Variants in KAZN observed in about 807,000 individuals in gnomAD.
KAZN encodes kazrin.
In KAZN, 40 loss-of-function variants were observed where a neutral mutation model predicts 87.4. The ratio of observed to expected loss-of-function variants is 0.46; its 90% confidence interval spans 0.36 to 0.60. The LOEUF is 0.60. Among genes scored for constraint, KAZN ranks in the 20% least tolerant of loss-of-function variants. KAZN has a pLI of 0.00. For synonymous variants in KAZN, 466 were observed against 458.3 expected, an observed-to-expected ratio of 1.02 and a Z score of -0.22; for missense variants, 898 against 1,073.9, an observed-to-expected ratio of 0.84 and a Z score of 2.29.
rs77739629 is a variant in KAZN, at chr1:14,845,947, G to T, written c.227-114737G>T. Among the ~76,000 whole-genome samples, 238 of 152,242 alleles carry T rather than the reference G, an allele frequency of 1.6e-3. 1 individual carries two copies. The highest frequency in any genetic ancestry group is 2.9e-3 in the Non-Finnish European group (196 of 68,016). On this transcript the variant is annotated intron_variant, in intron 1 of 14. Coordinates refer to ENST00000376030, the MANE Select transcript of KAZN (RefSeq NM_201628.3). ...AAGAAGGTTTGACAAAGCTGTCCAG[G>T]AGTCCTCAAGCCAAGTTAGTCAACA...
intron 1 of KAZN, among the ~76,000 whole-genome samples, chr1:14,806,221 G>A (rs534192522): frequency 3.3e-5 from 5 of 151,874 alleles, no homozygotes; most frequent in Non-Finnish European, 7.4e-5. Context: ...AGACACCTCT[G>A]TTCCCTTTGT....
rs561951019 is a variant in KAZN at position 14,984,258 on chromosome 1, G to C, written c.418+23383G>C. 4.6e-5 allele frequency among the ~76,000 whole-genome samples: 7 copies of C among 151,666 alleles called. No individual in the cohort carries two copies. The South Asian group carries it at 1.5e-3, about 32-fold the overall frequency. ...TGTAGTCCCAGCTAGTCGGGAGGCT[G>C]AGCATCTACATGGGAGGCTGAGGAA... On this transcript the variant is annotated intron_variant, in intron 2 of 14. Transcript: ENST00000376030.
intron 1 of KAZN, among the ~76,000 whole-genome samples, chr1:13,996,124 C>T (rs1478950720): frequency 6.6e-6 from 1 of 152,102 alleles, no homozygotes; most frequent in Non-Finnish European, 1.5e-5. Flanking sequence ...GGGGAACCCT[C>T]AACCCCCAGC....
At chr1:14,563,530 C>T (rs574630144) in intron 2 of KAZN, among the ~76,000 whole-genome samples, 6 of 152,254 alleles carry the variant, frequency 3.9e-5, no homozygotes, top group South Asian at 4.2e-4. Context: ...CCTATCATGG[C>T]GAATTCATCA....
intron 2 of KAZN, among the ~76,000 whole-genome samples, chr1:14,990,125 G>C (rs1487252686): frequency 6.6e-6 from 1 of 152,186 alleles, no homozygotes; most frequent in Non-Finnish European, 1.5e-5. Flanking sequence ...AAAGTCCAAG[G>C]TTGGGATCTC....
At chr1:14,500,254 T>C (rs1212322645) in intron 2 of KAZN, among the ~76,000 whole-genome samples, 1 of 152,114 alleles carries the variant, frequency 6.6e-6, no homozygotes, top group Non-Finnish European at 1.5e-5. Flanking sequence ...TATCCTACGC[T>C]GGCATGTCAA....
At chr1:14,685,708 A>T (rs1373077921) in intron 1 of KAZN, among the ~76,000 whole-genome samples, 1 of 152,200 alleles carries the variant, frequency 6.6e-6, no homozygotes, top group Non-Finnish European at 1.5e-5. Flanking sequence ...TTTGGGAGAA[A>T]TGCTGTTTAG....
At chr1:14,377,792 C>T (rs945541795) in intron 2 of KAZN, among the ~76,000 whole-genome samples, 2 of 152,294 alleles carry the variant, frequency 1.3e-5, no homozygotes, top group Middle Eastern at 3.4e-3. Context: ...TTCTCAACTT[C>T]GGCACTATTC....
At chr1:13,970,796 C>A (rs557432803) in intron 1 of KAZN, among the ~76,000 whole-genome samples, 1 of 152,286 alleles carries the variant, frequency 6.6e-6, no homozygotes, top group East Asian at 1.9e-4. Context: ...GGGCTCCAAA[C>A]CTTCTTCTGC....
At chr1:14,384,254 T>C (rs1490924216) in intron 2 of KAZN, among the ~76,000 whole-genome samples, 1 of 151,966 alleles carries the variant, frequency 6.6e-6, no homozygotes, top group East Asian at 1.9e-4. Flanking sequence ...AATCATGTCA[T>C]CTGCAAACAG....
At chr1:14,524,268 C>T (rs1272069446) in intron 2 of KAZN, among the ~76,000 whole-genome samples, 3 of 152,070 alleles carry the variant, frequency 2.0e-5, no homozygotes, top group African/African-American at 7.2e-5. Context: ...GTGGTCCACT[C>T]GCCTCAGCCT....
intron 2 of KAZN, among the ~76,000 whole-genome samples, chr1:14,993,647 G>C (rs531971234): frequency 1.3e-5 from 2 of 152,258 alleles, no homozygotes; most frequent in South Asian, 2.1e-4. Flanking sequence ...CGTCTGGGAG[G>C]GGGGTGATCG....
At chr1:14,624,568 T>C (rs1678969705) in intron 1 of KAZN, among the ~76,000 whole-genome samples, 1 of 152,200 alleles carries the variant, frequency 6.6e-6, no homozygotes, top group African/African-American at 2.4e-5. Flanking sequence ...ACTTGACAAA[T>C]TGACTGCTTT....
intron 1 of KAZN, among the ~76,000 whole-genome samples, chr1:14,605,790 T>C (rs1677311944): frequency 6.6e-6 from 1 of 152,130 alleles, no homozygotes; most frequent in Non-Finnish European, 1.5e-5. Context: ...TTCTTCCAGG[T>C]CAACTATGTA....
intron 6 of KAZN, chr1:15,061,640 C>T (rs1573225430): frequency 6.6e-6 from 1 of 152,326 alleles, no homozygotes; most frequent in Non-Finnish European, 1.5e-5. Flanking sequence ...CTGCCTCAGC[C>T]TCCCGAGCAG....
intron 2 of KAZN, among the ~76,000 whole-genome samples, chr1:15,015,302 G>A (rs796273209): frequency 1.3e-5 from 2 of 151,916 alleles, no homozygotes; most frequent in African/African-American, 2.4e-5. Context: ...ACAGGCGCCC[G>A]CCACCACACC....
chr1:14,388,088 C>T (rs1383513627), intron 2 of KAZN, among the ~76,000 whole-genome samples: 1 of 152,198 alleles, frequency 6.6e-6, no homozygotes, highest in Non-Finnish European at 1.5e-5. Context: ...CAGGTGCCGT[C>T]TGTCACCCCT....
chr1:14,687,663 G>A (rs1392238407), intron 1 of KAZN, among the ~76,000 whole-genome samples: 1 of 152,248 alleles, frequency 6.6e-6, no homozygotes, highest in Non-Finnish European at 1.5e-5. Flanking sequence ...GAACTGGGAT[G>A]TGACTCTGTG....
chr1:15,046,749 C>T (rs1037658020), intron 4 of KAZN, among the ~76,000 whole-genome samples: 21 of 152,190 alleles, frequency 1.4e-4, no homozygotes, highest in African/African-American at 4.8e-4. Context: ...GAAAAAGCTG[C>T]GGCTGCAGGG....
Sources: allele counts gnomAD v4.1 joint callset (sites outside exome capture counted in the v4.1 genomes callset), GRCh38; gene constraint gnomAD v4.1.1; transcripts MANE v1.5; gene names NCBI Gene and HGNC (gene_info 2026-07-23, HGNC 2026-07-21).